ARHGEF10: variants seen among roughly 807,000 people sequenced by gnomAD.
The protein encoded by ARHGEF10 is Rho guanine nucleotide exchange factor (GEF) 10.
ARHGEF10 carries 140 observed loss-of-function variants against 147.4 expected under a neutral mutation model. The observed-to-expected ratio is 0.95, with a 90% CI of 0.83 to 1.09. The LOEUF is 1.09. Among genes scored for constraint, ARHGEF10 ranks in the 50% least tolerant of loss-of-function variants. The pLI, the probability that ARHGEF10 is intolerant of heterozygous loss-of-function variation, is 0.00. For synonymous variants in ARHGEF10, 902 were observed against 695.8 expected (o/e 1.30, Z -4.67); for missense variants, 2,222 against 1,752.7 (o/e 1.27, Z -4.78).
Position 1,937,832 on chromosome 8 carries a change from G to A in ARHGEF10, c.3222+3890G>A, listed in dbSNP as rs1470990721. 5.9e-5 allele frequency among the ~76,000 whole-genome samples: 9 copies of A among 152,316 alleles called. No homozygotes were observed. Among genetic ancestry groups the A allele is most frequent in the Non-Finnish European group, 8.8e-5 (6 of 68,030 alleles). The stretch of plus-strand genomic sequence containing the variant: ...CATGTGATCTGGGCTTGGGTTGAGC[G>A]GGTTGGGAGATGCTAGCCATATTTG... On this transcript the variant is annotated intron_variant, in intron 26 of 28. Coordinates refer to ENST00000349830, the MANE Select transcript of ARHGEF10 (RefSeq NM_014629.4). The surrounding 1 kb of genome is among the most constrained non-coding windows in gnomAD (Gnocchi z 4.9).
intron 18 of ARHGEF10, among the ~76,000 whole-genome samples, chr8:1,920,749 G>T (rs958249048): frequency 9.2e-5 from 14 of 151,714 alleles, no homozygotes; most frequent in Non-Finnish European, 1.9e-4. Flanking sequence ...ATAAAGTTGC[G>T]ATGTGTAACT....
intron 2 of ARHGEF10, among the ~76,000 whole-genome samples, chr8:1,852,024 G>T (rs1805193087): frequency 1.3e-5 from 2 of 152,198 alleles, no homozygotes; most frequent in Middle Eastern, 3.4e-3. Context: ...CTCAGGCTCA[G>T]ACAGGCCGTT....
At chr8:1,924,650 G>A (rs554053041) in intron 21 of ARHGEF10, among the ~76,000 whole-genome samples, 1 of 152,258 alleles carries the variant, frequency 6.6e-6, no homozygotes, top group Non-Finnish European at 1.5e-5. Context: ...TGATGAGGAA[G>A]CAGAAACACA....
chr8:1,838,572 G>A (rs563522660), intron 1 of ARHGEF10, among the ~76,000 whole-genome samples: 19 of 152,388 alleles, frequency 1.2e-4, no homozygotes, highest in African/African-American at 3.6e-4. Context: ...AAAGAGCCAC[G>A]CACTCTTCAG....
chr8:1,880,258 G>T, intron 9 of ARHGEF10, 94 bp downstream of exon 9: 2 of 870,770 alleles, frequency 2.3e-6, no homozygotes, highest in Non-Finnish European at 3.8e-6. Flanking sequence ...CTCAACAGCG[G>T]TTCTCAAAGG....
At chr8:1,835,149 G>C (rs570352763) in intron 1 of ARHGEF10, among the ~76,000 whole-genome samples, 148 of 152,374 alleles carry the variant, frequency 9.7e-4, no homozygotes, top group African/African-American at 3.2e-3. Flanking sequence ...GGTTCAGCCT[G>C]CCGCCCCCAC....
In ARHGEF10 at chr8:1,900,992, C is replaced by T. The variant is rs544113325; in HGVS notation, c.1651-2289C>T. Among the ~76,000 whole-genome samples, 6 of 152,120 alleles carry T rather than the reference C, an allele frequency of 3.9e-5. No individual in the cohort carries two copies. The South Asian group carries it at 1.2e-3, about 32-fold the overall frequency. ...GTTTCCCTCAGGGACACTTTTTGCC[C>T]ACATTTGATGAAACGCTGGCGTATC... On this transcript the variant is annotated intron_variant, in intron 15 of 28. Transcript: ENST00000349830.
intron 1 of ARHGEF10, among the ~76,000 whole-genome samples, chr8:1,826,885 G>A (rs768811134): frequency 3.9e-5 from 6 of 152,222 alleles, no homozygotes; most frequent in East Asian, 3.8e-4. Flanking sequence ...GAAGGGAAGC[G>A]TAGCTGTTAG....
At chr8:1,935,217 C>T (rs1052554788) in intron 26 of ARHGEF10, among the ~76,000 whole-genome samples, 5 of 152,076 alleles carry the variant, frequency 3.3e-5, no homozygotes, top group African/African-American at 1.2e-4. Context: ...GCACACCCCC[C>T]ACAACCCCCC....
rs200412472 is a variant in ARHGEF10, at chr8:1,894,395, A to G, written c.1263A>G (p.Gln421=). 112 of 1,614,180 alleles carry G rather than the reference A, an allele frequency of 6.9e-5. No homozygotes were observed. Among genetic ancestry groups the G allele is most frequent in the Non-Finnish European group, 8.8e-5 (104 of 1,180,026 alleles). Residue 421 remains glutamine (Q), a splice_region_variant and synonymous_variant, in exon 13 of 29, where the codon CAA becomes CAG. Coordinates refer to ENST00000349830, the MANE Select transcript of ARHGEF10 (RefSeq NM_014629.4). ...TGTCTTTGCTCATTTTGTCTTAGCA[A>G]TATGAGAAGCCGCTGTCTGAGATGG... ...YVDALKRILE[Q]YEKPLSEMEP...
In ARHGEF10 at chr8:1,888,569, T is replaced by C. The variant is rs566260201; in HGVS notation, c.1182+2862T>C. Reference sequence around the variant, plus strand: ...AGTGGGGTGAGGTATGGGGAGACACTGAGTGGGGTGTGAGGGGTCTGTGAG... The same window carrying C: ...AGTGGGGTGAGGTATGGGGAGACACCGAGTGGGGTGTGAGGGGTCTGTGAG... On this transcript the variant is annotated intron_variant, in intron 11 of 28. Coordinates refer to ENST00000349830, the MANE Select transcript of ARHGEF10 (RefSeq NM_014629.4). 9.1e-4 allele frequency among the ~76,000 whole-genome samples: 110 copies of C among 121,178 alleles called. 1 individual carries two copies. The highest frequency in any genetic ancestry group is 2.1e-3 in the Admixed American group (26 of 12,472). 79.5% of individuals were successfully genotyped at this position (121,178 alleles called of 152,430 possible).
At chr8:1,946,007 C>G (rs1368194127) in intron 27 of ARHGEF10, 15 of 432,880 alleles carry the variant, frequency 3.5e-5, no homozygotes, top group Non-Finnish European at 4.3e-5. Flanking sequence ...GGACCTGAGG[C>G]TGAAGAACAC....
chr8:1,856,397 G>T (rs1465040877), intron 2 of ARHGEF10, among the ~76,000 whole-genome samples: 1 of 152,220 alleles, frequency 6.6e-6, no homozygotes, highest in Non-Finnish European at 1.5e-5. Context: ...AGTTCACGCT[G>T]TCGTGGGCCT....
intron 18 of ARHGEF10, among the ~76,000 whole-genome samples, chr8:1,918,488 G>A (rs1039148369): frequency 9.2e-5 from 14 of 151,754 alleles, no homozygotes; most frequent in Middle Eastern, 3.4e-3. Context: ...GTGTGTGTGT[G>A]TGTGTGTGTG....
At chr8:1,952,879 G>C (rs780714099) in intron 28 of ARHGEF10, 52 bp downstream of exon 28, 3 of 1,612,450 alleles carry the variant, frequency 1.9e-6, no homozygotes, top group Non-Finnish European at 2.5e-6. Flanking sequence ...CAGGCTCGTG[G>C]AGCATAGCAG....
intron 5 of ARHGEF10, among the ~76,000 whole-genome samples, chr8:1,865,293 A>T (rs556746435): frequency 3.0e-4 from 46 of 152,216 alleles, no homozygotes; most frequent in African/African-American, 1.1e-3. Context: ...TCACCAGGAC[A>T]TGGGGCATCC....
intron 3 of ARHGEF10, chr8:1,858,925 AGCACCCACCTCTTGGCTTGTACCGTGTT>A: frequency 5.7e-6 from 1 of 175,000 alleles, no homozygotes; most frequent in Non-Finnish European, 1.2e-5. Flanking sequence ...CTTTGTGCAT[AGCACCCACCTCTTGGCTTGTACCGTGTT>A]TCTTTGTGCG....
In ARHGEF10 at chr8:1,894,560, C is replaced by T. The variant is rs761163361; in HGVS notation, c.1428C>T (p.Val476=). ...ACTCCGTGGAAATGATAGGCGATGT[C>T]TTCGTGGCTTCGGTAATTAAGCTGG... ...EWDSVEMIGD[V]FVASFSKSMV... Residue 476 remains valine (V), a synonymous_variant, in exon 13 of 29, where the codon GTC becomes GTT. Transcript: ENST00000349830. 48 of 1,613,966 alleles carry T rather than the reference C, an allele frequency of 3.0e-5. No homozygotes were observed.
intron 2 of ARHGEF10, among the ~76,000 whole-genome samples, chr8:1,852,782 G>T (rs1805245992): frequency 6.6e-6 from 1 of 152,232 alleles, no homozygotes; most frequent in African/African-American, 2.4e-5. Context: ...AAAAAGTCAG[G>T]TTGGTAAGAA....
Sources: allele counts gnomAD v4.1 joint callset (sites outside exome capture counted in the v4.1 genomes callset), GRCh38; gene constraint gnomAD v4.1.1; non-coding constraint Gnocchi (gnomAD v3.1); transcripts MANE v1.5; gene names NCBI Gene and HGNC (gene_info 2026-07-23, HGNC 2026-07-21).